FBXL13: variants seen among roughly 807,000 people sequenced by gnomAD.
FBXL13 encodes F-box and leucine rich repeat protein 13.
A neutral mutation model predicts 83.6 loss-of-function variants in FBXL13; 67 were observed. The ratio of observed to expected loss-of-function variants is 0.80; its 90% CI spans 0.66 to 0.98. The LOEUF is 0.98. FBXL13 is among the 50% of genes least tolerant of loss of function. The pLI is 0.00. For missense variants in FBXL13, 822 were observed against 866.5 expected (o/e 0.95, Z 0.64); for synonymous variants, 272 against 299.5 (o/e 0.91, Z 0.95).
chr7:102,897,098 T>A (rs1430666914), intron 11 of FBXL13, among the ~76,000 whole-genome samples: 1 of 151,658 alleles, frequency 6.6e-6, no homozygotes, highest in Non-Finnish European at 1.5e-5. Flanking sequence ...ATACATATAC[T>A]TTTAAATACA....
intron 16 of FBXL13, among the ~76,000 whole-genome samples, chr7:102,863,744 C>A (rs960871237): frequency 6.6e-6 from 1 of 152,108 alleles, no homozygotes; most frequent in African/African-American, 2.4e-5. Flanking sequence ...TAAACATGTC[C>A]AAAATGGAAT....
intron 17 of FBXL13, among the ~76,000 whole-genome samples, chr7:102,839,864 A>G (rs2129448969): frequency 6.6e-6 from 1 of 152,106 alleles, no homozygotes; most frequent in South Asian, 2.1e-4. Context: ...AATAGAATGT[A>G]TGAGATAAAA....
chr7:103,031,315 C>T (rs1794490626), intron 2 of FBXL13: 1 of 152,286 alleles, frequency 6.6e-6, no homozygotes, highest in South Asian at 2.1e-4. Flanking sequence ...TATTGTTTAA[C>T]TGCTTCTGAC....
At chr7:102,996,967 A>C (rs1356812818) in intron 6 of FBXL13, among the ~76,000 whole-genome samples, 1 of 152,138 alleles carries the variant, frequency 6.6e-6, no homozygotes, top group Non-Finnish European at 1.5e-5. Context: ...TATTATATTG[A>C]TAGTTGAAGA....
intron 17 of FBXL13, among the ~76,000 whole-genome samples, chr7:102,854,145 G>C (rs1395587078): frequency 1.3e-5 from 2 of 152,014 alleles, no homozygotes; most frequent in Non-Finnish European, 2.9e-5. Context: ...TGATAGACTG[G>C]ATTAAGAAAA....
intron 11 of FBXL13, among the ~76,000 whole-genome samples, chr7:102,911,904 T>C (rs1334955335): frequency 6.6e-6 from 1 of 152,170 alleles, no homozygotes; most frequent in African/African-American, 2.4e-5. Context: ...AGCCCTAACT[T>C]AGAATCCTCC....
intron 8 of FBXL13, among the ~76,000 whole-genome samples, chr7:102,943,269 T>C (rs936377287): frequency 1.3e-5 from 2 of 152,116 alleles, no homozygotes; most frequent in African/African-American, 4.8e-5. Context: ...TGCACTTGTC[T>C]TACATGCGAA....
intron 9 of FBXL13, among the ~76,000 whole-genome samples, chr7:102,931,288 G>T (rs1355071739): frequency 1.3e-5 from 2 of 152,236 alleles, no homozygotes; most frequent in African/African-American, 2.4e-5. Flanking sequence ...GGAAAGGGAG[G>T]CAGAGGCAAA....
At chr7:102,960,634 C>T (rs1825036062) in intron 8 of FBXL13, among the ~76,000 whole-genome samples, 2 of 152,156 alleles carry the variant, frequency 1.3e-5, no homozygotes, top group Admixed American at 1.3e-4. Flanking sequence ...AGCTTATCCA[C>T]CACAATCAAG....
At chr7:103,054,626 A>G (rs949912510) in intron 2 of FBXL13, among the ~76,000 whole-genome samples, 3 of 152,194 alleles carry the variant, frequency 2.0e-5, no homozygotes, top group African/African-American at 4.8e-5. Context: ...TTGGATGTCA[A>G]TAATATTTTG....
chr7:102,872,355 G>C (rs952155229), intron 16 of FBXL13, among the ~76,000 whole-genome samples: 35 of 152,166 alleles, frequency 2.3e-4, no homozygotes, highest in African/African-American at 7.7e-4. Flanking sequence ...TACTTCCCAG[G>C]GTTCTGGGAA....
intron 10 of FBXL13, among the ~76,000 whole-genome samples, chr7:102,917,904 T>C (rs1816218356): frequency 1.3e-5 from 2 of 152,184 alleles, no homozygotes; most frequent in African/African-American, 4.8e-5. Context: ...ACAAATTTCC[T>C]GGAATGGGCA....
chr7:103,022,954 A>G (rs1466996203), intron 6 of FBXL13, among the ~76,000 whole-genome samples: 1 of 152,196 alleles, frequency 6.6e-6, no homozygotes, highest in Non-Finnish European at 1.5e-5. Context: ...CACAATCTAT[A>G]AGGATCTTAA....
At chr7:102,901,519 T>A (rs1812957613) in intron 11 of FBXL13, among the ~76,000 whole-genome samples, 1 of 152,140 alleles carries the variant, frequency 6.6e-6, no homozygotes, top group African/African-American at 2.4e-5. Flanking sequence ...ATTTTTTTTA[T>A]AACCCATTAA....
chr7:103,025,490 T>C (rs1054943568), intron 5 of FBXL13, among the ~76,000 whole-genome samples: 6 of 152,170 alleles, frequency 3.9e-5, no homozygotes, highest in Non-Finnish European at 5.9e-5. Flanking sequence ...TAGTCTCCTC[T>C]TTCACAGATG....
chr7:103,024,857 A>ATATAT (rs1298384907), intron 6 of FBXL13, among the ~76,000 whole-genome samples: 39 of 62,842 alleles, frequency 6.2e-4, no homozygotes, highest in Non-Finnish European at 7.3e-4. Flanking sequence ...ATATATATAT[A>ATATAT]TTTTTTTTTT....
chr7:103,039,139 A>T (rs567700794), intron 2 of FBXL13, among the ~76,000 whole-genome samples: 1 of 152,350 alleles, frequency 6.6e-6, no homozygotes, highest in South Asian at 2.1e-4. Context: ...GACCTGATGG[A>T]GCTGAAAACC....
intron 11 of FBXL13, among the ~76,000 whole-genome samples, chr7:102,911,970 T>G (rs1429371485): frequency 1.3e-5 from 2 of 152,148 alleles, no homozygotes; most frequent in African/African-American, 4.8e-5. Flanking sequence ...CCACAAGATG[T>G]CAGTGGAGGT....
intron 9 of FBXL13, among the ~76,000 whole-genome samples, chr7:102,928,044 A>T (rs1818464455): frequency 6.6e-6 from 1 of 152,222 alleles, no homozygotes; most frequent in Non-Finnish European, 1.5e-5. Context: ...AGGAAGAGGA[A>T]GGTGGAGTAG....
Sources: gnomAD v4.1 joint callset for allele counts (sites outside exome capture counted in the v4.1 genomes callset) on GRCh38, gnomAD v4.1.1 for gene constraint, MANE v1.5 for transcripts, NCBI Gene and HGNC (gene_info 2026-07-23, HGNC 2026-07-21) for gene names.